Variants in ARIH1 observed in about 807,000 individuals in gnomAD.
ARIH1 encodes E3 ubiquitin-protein ligase ARIH1.
A neutral mutation model predicts 85.0 loss-of-function variants in ARIH1; 8 were observed. That is an observed-to-expected ratio of 0.09 (90% CI 0.06 to 0.17). The LOEUF is 0.17. Ranked by LOEUF, ARIH1 falls within the 10% of genes least tolerant of loss-of-function variation. The probability of loss-of-function intolerance (pLI) is 1.00; values close to 1 mark genes in which losing one functional copy is unlikely to be tolerated. For missense variants in ARIH1, 311 were observed against 718.1 expected (o/e 0.43, Z 6.48); for synonymous variants, 238 against 253.6 (o/e 0.94, Z 0.59).
intron 3 of ARIH1, among the ~76,000 whole-genome samples, chr15:72,553,944 T>G (rs1177123732): frequency 6.6e-6 from 1 of 152,164 alleles, no homozygotes; most frequent in South Asian, 2.1e-4. Context: ...TATGTGATCT[T>G]TTATGACTGG....
intron 1 of ARIH1, among the ~76,000 whole-genome samples, chr15:72,517,038 C>T (rs1180564004): frequency 1.3e-5 from 2 of 152,114 alleles, no homozygotes; most frequent in Non-Finnish European, 2.9e-5. Context: ...ATAGTGAGCT[C>T]ACTAGTTTCA....
rs1035002801 is a variant in ARIH1, at chr15:72,525,347, G to T, written c.443+7213G>T. 2.0e-5 allele frequency among the ~76,000 whole-genome samples: 3 copies of T among 152,128 alleles called. No individual in the cohort carries two copies. In the South Asian group the frequency reaches 6.2e-4, roughly 31 times the overall value. ...TTTTAATAAAATTGTGTATTAACTC[G>T]TGATTTAGTGAAAACTAGATTCTTA... is the stretch of plus-strand genomic sequence containing the variant. On this transcript the variant is annotated intron_variant, in intron 2 of 13. Transcript: ENST00000379887.
In ARIH1 at chr15:72,583,112, G is replaced by T. The variant is rs2064301061; in HGVS notation, c.1590-96G>T. On this transcript the variant is annotated intron_variant, in intron 13 of 13. Transcript: ENST00000379887. ...AAATAGGTGCTTGGTTCCGAGTCTG[G>T]ATAAACTATAGGGATGCCTTAAAAA... 6.4e-6 allele frequency: 6 copies of T among 939,928 alleles called. No individual in the cohort carries two copies. The East Asian group carries it at 1.2e-4, about 19-fold the overall frequency. The allele number at this position is 939,928 out of a possible 1,614,324, so 58.2% of individuals were successfully genotyped here.
chr15:72,496,391 G>C (rs1450467305), intron 1 of ARIH1, among the ~76,000 whole-genome samples: 1 of 152,180 alleles, frequency 6.6e-6, no homozygotes, highest in African/African-American at 2.4e-5. Flanking sequence ...ACAGACCTTA[G>C]TGTCACAGTA....
chr15:72,516,678 A>G (rs1269643861), intron 1 of ARIH1, among the ~76,000 whole-genome samples: 6 of 152,170 alleles, frequency 3.9e-5, no homozygotes, highest in Non-Finnish European at 8.8e-5. Context: ...GAGTGTCTGT[A>G]TCTTTGGCTT....
Position 72,592,583 on chromosome 15 carries a change from T to G in ARIH1, c.*9291T>G, listed in dbSNP as rs1219920995. ...TACTTTTAAATCACCCCTGAGCACC[T>G]CCCCACTCCAGTGATCACTTCTTGA... On this transcript the variant is annotated 3_prime_UTR_variant, in exon 14 of 14. Transcript: ENST00000379887. 6.6e-6 allele frequency: 1 copy of G among 152,148 alleles called. No individual in the cohort carries two copies. Among genetic ancestry groups the G allele is most frequent in the Admixed American group, 6.5e-5 (1 of 15,268 alleles). 9.4% of individuals were successfully genotyped at this position (152,148 alleles called of 1,614,324 possible).
At chr15:72,540,617 A>G (rs1221346595) in intron 2 of ARIH1, among the ~76,000 whole-genome samples, 2 of 152,152 alleles carry the variant, frequency 1.3e-5, no homozygotes. Flanking sequence ...TAAAATACTT[A>G]GCAGTATTTG....
Position 72,585,158 on chromosome 15 carries a change from C to T in ARIH1, c.*1866C>T, listed in dbSNP as rs1136802. 6.6e-6 allele frequency: 1 copy of T among 152,096 alleles called. No homozygotes were observed. The highest frequency in any genetic ancestry group is 1.5e-5 in the Non-Finnish European group (1 of 68,012). The allele number at this position is 152,096 out of a possible 1,614,324, so 9.4% of individuals were successfully genotyped here. On this transcript the variant is annotated 3_prime_UTR_variant, in exon 14 of 14. Coordinates refer to ENST00000379887, the MANE Select transcript of ARIH1 (RefSeq NM_005744.5). ...TACAGGAGATTTACTGGCAACTGTT[C>T]TTTTCCCATCAAAAATCAGTGAATG...
At chr15:72,575,153 G>A (rs1436951102) in intron 11 of ARIH1, among the ~76,000 whole-genome samples, 2 of 152,212 alleles carry the variant, frequency 1.3e-5, no homozygotes, top group East Asian at 3.9e-4. Flanking sequence ...GGTGGCAGCT[G>A]GATTTGTCAT....
At chr15:72,529,836 T>C (rs2064047911) in intron 2 of ARIH1, among the ~76,000 whole-genome samples, 1 of 152,154 alleles carries the variant, frequency 6.6e-6, no homozygotes. Flanking sequence ...ATGCGAAGAA[T>C]AGAGGGGAAA....
intron 1 of ARIH1, among the ~76,000 whole-genome samples, chr15:72,480,111 C>T (rs967384523): frequency 3.3e-5 from 5 of 151,856 alleles, no homozygotes; most frequent in African/African-American, 4.8e-5. Flanking sequence ...CCTCGTGATC[C>T]GCCCACCTCG....
intron 5 of ARIH1, among the ~76,000 whole-genome samples, chr15:72,556,210 G>A (rs372485573): frequency 4.4e-5 from 1 of 22,514 alleles, no homozygotes; most frequent in African/African-American, 4.7e-5. Context: ...AATAAAAGGT[G>A]AAACTGACTT....
intron 1 of ARIH1, among the ~76,000 whole-genome samples, chr15:72,509,077 G>A (rs1170388466): frequency 4.0e-5 from 6 of 148,364 alleles, no homozygotes; most frequent in African/African-American, 1.2e-4. Context: ...TGCAACCTCC[G>A]CTTCCTGGGT....
At chr15:72,545,046 AT>A in intron 3 of ARIH1, 82 bp downstream of exon 3, 2 of 1,326,564 alleles carry the variant, frequency 1.5e-6, no homozygotes, top group South Asian at 3.7e-5. Context: ...ACAAAGGAAA[AT>A]TTGTGGGTCT....
chr15:72,577,234 C>T (rs892431215), intron 11 of ARIH1, among the ~76,000 whole-genome samples: 4 of 152,064 alleles, frequency 2.6e-5, no homozygotes, highest in Non-Finnish European at 4.4e-5. Context: ...ATCCACCCAC[C>T]TCAGCCTCCC....
At chr15:72,548,328 C>T (rs1306103141) in intron 3 of ARIH1, among the ~76,000 whole-genome samples, 1 of 151,976 alleles carries the variant, frequency 6.6e-6, no homozygotes, top group African/African-American at 2.4e-5. Context: ...CTTTCAAGAA[C>T]TGGGGGATGG....
chr15:72,482,310 A>G (rs2063819718), intron 1 of ARIH1, among the ~76,000 whole-genome samples: 2 of 152,248 alleles, frequency 1.3e-5, no homozygotes, highest in Non-Finnish European at 2.9e-5. Flanking sequence ...TTAAAGGAAT[A>G]TGAGAAGACT....
At chr15:72,480,365 G>A (rs774293062) in intron 1 of ARIH1, among the ~76,000 whole-genome samples, 6 of 151,116 alleles carry the variant, frequency 4.0e-5, no homozygotes, top group African/African-American at 7.3e-5. Flanking sequence ...GGGTTCAAGC[G>A]ATTCTCCTGC....
Position 72,587,614 on chromosome 15 carries a change from G to C in ARIH1, c.*4322G>C, listed in dbSNP as rs1351002155. The C allele has an allele frequency of 6.5e-6, 1 of 154,852 alleles. No individual in the cohort carries two copies. Among genetic ancestry groups the C allele is most frequent in the African/African-American group, 2.4e-5 (1 of 41,472 alleles). The allele number at this position is 154,852 out of a possible 1,614,324, so 9.6% of individuals were successfully genotyped here. A position where few individuals can be genotyped will look rare whatever the true frequency, so the allele number is the denominator to read the frequency against. On this transcript the variant is annotated 3_prime_UTR_variant, in exon 14 of 14. Transcript: ENST00000379887. ...TGAGGCTTTAAAAAGATGATAAGCA[G>C]TGAGTTTTATGAGAAAATTTTGGCT... is the stretch of plus-strand genomic sequence containing the variant.
Sources: gnomAD v4.1 joint callset for allele counts (sites outside exome capture counted in the v4.1 genomes callset) on GRCh38, gnomAD v4.1.1 for gene constraint, MANE v1.5 for transcripts, NCBI Gene and HGNC (gene_info 2026-07-23, HGNC 2026-07-21) for gene names.